The following CDH11 variants were observed in gnomAD, a reference collection of about 807,000 sequenced individuals.
The protein encoded by CDH11 is cadherin-11.
A neutral mutation model predicts 67.8 loss-of-function variants in CDH11; 11 were observed. The observed-to-expected ratio is 0.16, with a 90% confidence interval of 0.10 to 0.27. The LOEUF (loss-of-function observed/expected upper bound fraction) is 0.27. Ranked by LOEUF, CDH11 falls within the 10% of genes least tolerant of loss-of-function variation. CDH11 has a pLI of 1.00. For missense variants in CDH11, 847 were observed against 1,031.2 expected, an observed-to-expected ratio of 0.82 and a Z score of 2.45; for synonymous variants, 419 against 400.0, an observed-to-expected ratio of 1.05 and a Z score of -0.57.
chr16:65,034,048 G>A (rs559836415), intron 2 of CDH11, among the ~76,000 whole-genome samples: 1 of 152,158 alleles, frequency 6.6e-6, no homozygotes, highest in East Asian at 1.9e-4. Flanking sequence ...AGATGTTGAA[G>A]CCCTAACCGC....
rs1040898857 is a variant in CDH11 at position 65,020,438 on chromosome 16, T to C, written c.-172-15397A>G. The stretch of plus-strand genomic sequence containing the variant: ...TCCGCCTTCTGGGCTCAAGCAATTG[T>C]CCTGCCTCAGCCTCCCAAGTAGCTG... On this transcript the variant is annotated intron_variant, in intron 2 of 12. Transcript: ENST00000268603. 1.2e-4 allele frequency among the ~76,000 whole-genome samples: 18 copies of C among 152,292 alleles called. 1 individual carries two copies. The South Asian group carries it at 1.5e-3, about 12-fold the overall frequency.
intron 2 of CDH11, among the ~76,000 whole-genome samples, chr16:65,017,187 T>C (rs562620207): frequency 1.6e-4 from 25 of 152,160 alleles, no homozygotes; most frequent in Non-Finnish European, 3.1e-4. Context: ...CATCCTGTAG[T>C]GAAGAATGCC....
intron 11 of CDH11, among the ~76,000 whole-genome samples, chr16:64,953,639 G>T (rs1937768625): frequency 6.6e-6 from 1 of 152,170 alleles, no homozygotes; most frequent in East Asian, 1.9e-4. Context: ...ACACACCATT[G>T]TTCCATACTT....
At chr16:64,982,591 C>G (rs913928710) in intron 7 of CDH11, 1 of 287,518 alleles carries the variant, frequency 3.5e-6, no homozygotes, top group Non-Finnish European at 6.4e-6. Flanking sequence ...AAATAAGTCA[C>G]TAAGAATTAC....
chr16:64,968,892 A>G (rs1408101446), intron 11 of CDH11, among the ~76,000 whole-genome samples: 2 of 152,194 alleles, frequency 1.3e-5, no homozygotes, highest in African/African-American at 4.8e-5. Context: ...TACTTTTAGG[A>G]GCTAGTAGAA....
In CDH11 at chr16:65,102,299, C is replaced by T. The variant is rs138939408; in HGVS notation, c.-298+19581G>A. Among the ~76,000 whole-genome samples, 897 of 152,292 alleles carry T rather than the reference C, an allele frequency of 5.9e-3. 18 individuals are homozygous for T. Among genetic ancestry groups the T allele is most frequent in the Admixed American group, 0.046 (711 of 15,306 alleles). On this transcript the variant is annotated intron_variant, in intron 1 of 12. Transcript: ENST00000268603. ...GTGTAGCTATAGACCCAAAATCTTA[C>T]GGCCAATTTGTCTCATTGAGTCAAC...
chr16:65,103,603 A>G lies in CDH11; in HGVS notation c.-298+18277T>C, dbSNP rs114091297. Among the ~76,000 whole-genome samples, 720 of 152,320 alleles carry G rather than the reference A, an allele frequency of 4.7e-3. 5 individuals are homozygous for G. The highest frequency in any genetic ancestry group is 0.016 in the African/African-American group (680 of 41,572). On this transcript the variant is annotated intron_variant, in intron 1 of 12. Coordinates refer to ENST00000268603, the MANE Select transcript of CDH11 (RefSeq NM_001797.4). The stretch of plus-strand genomic sequence containing the variant: ...TTTTGAAGATGAATTAGATAACATG[A>G]CAATATGCCCAACAGTGTCTTCCTC...
chr16:65,074,833 A>T (rs1381701890), intron 1 of CDH11, among the ~76,000 whole-genome samples: 1 of 152,242 alleles, frequency 6.6e-6, no homozygotes, highest in African/African-American at 2.4e-5. Context: ...CCTAATTATT[A>T]TACAGAACAA....
At chr16:65,021,555 T>TAC (rs71376753) in intron 2 of CDH11, among the ~76,000 whole-genome samples, 75 of 127,632 alleles carry the variant, frequency 5.9e-4, no homozygotes, top group East Asian at 6.8e-4. Context: ...GCCATTTAAA[T>TAC]ACACACACAC....
chr16:65,060,578 G>A (rs750267167), intron 1 of CDH11, among the ~76,000 whole-genome samples: 11 of 152,120 alleles, frequency 7.2e-5, no homozygotes, highest in Non-Finnish European at 1.5e-4. Flanking sequence ...AGTATGTAAA[G>A]TTTTCTAAAG....
At chr16:65,122,814 C>T (rs560609647), upstream of CDH11, among the ~76,000 whole-genome samples, 1 of 152,242 alleles carries the variant, frequency 6.6e-6, no homozygotes, top group South Asian at 2.1e-4. Context: ...GCGCGGGGAG[C>T]GCTTCGCCGG....
chr16:65,068,762 G>A (rs1029897725), intron 1 of CDH11, among the ~76,000 whole-genome samples: 7 of 152,092 alleles, frequency 4.6e-5, no homozygotes, highest in African/African-American at 1.7e-4. Flanking sequence ...TAAGCCATTC[G>A]CTTTAATTTC....
intron 2 of CDH11, among the ~76,000 whole-genome samples, chr16:65,016,668 C>G (rs2073316992): frequency 6.6e-6 from 1 of 152,118 alleles, no homozygotes; most frequent in South Asian, 2.1e-4. Flanking sequence ...TGGGGTTCAG[C>G]CTGGGAGGCC....
intron 1 of CDH11, among the ~76,000 whole-genome samples, chr16:65,065,573 A>G (rs1317254320): frequency 2.0e-5 from 3 of 152,130 alleles, no homozygotes; most frequent in Admixed American, 1.3e-4. Flanking sequence ...CCAGCATACT[A>G]TTTATCCCAT....
chr16:65,021,569 C>CACAT (rs4048808), intron 2 of CDH11, among the ~76,000 whole-genome samples: 27 of 139,034 alleles, frequency 1.9e-4, no homozygotes, highest in African/African-American at 2.4e-4. Context: ...CACACACACA[C>CACAT]ATATATATAT....
At chr16:64,979,129 G>C (rs1254155327) in intron 8 of CDH11, among the ~76,000 whole-genome samples, 1 of 152,158 alleles carries the variant, frequency 6.6e-6, no homozygotes, top group Non-Finnish European at 1.5e-5. Context: ...CTCCCAAGAA[G>C]ACATACAAAT....
At chr16:65,067,094 A>C (rs2074324824) in intron 1 of CDH11, among the ~76,000 whole-genome samples, 1 of 152,024 alleles carries the variant, frequency 6.6e-6, no homozygotes, top group African/African-American at 2.4e-5. Context: ...CCTTTCTTCT[A>C]TTTAATCCAC....
intron 1 of CDH11, among the ~76,000 whole-genome samples, chr16:65,081,527 C>A (rs368886476): frequency 6.6e-6 from 1 of 151,500 alleles, no homozygotes. Context: ...CGAGATCGGG[C>A]CACTGCACTC....
At chr16:65,076,118 G>A (rs931258561) in intron 1 of CDH11, among the ~76,000 whole-genome samples, 5 of 152,136 alleles carry the variant, frequency 3.3e-5, no homozygotes, top group African/African-American at 1.2e-4. Flanking sequence ...CAACAAGCCA[G>A]CTCCCTTGAG....
Sources: allele counts gnomAD v4.1 joint callset (sites outside exome capture counted in the v4.1 genomes callset), GRCh38; gene constraint gnomAD v4.1.1; transcripts MANE v1.5; gene names NCBI Gene and HGNC (gene_info 2026-07-23, HGNC 2026-07-21).